Variants in VAC14 observed in about 807,000 individuals in gnomAD.
VAC14 encodes VAC14 component of PIKFYVE complex, also known as protein VAC14 homolog.
Under a neutral mutation model 85.3 loss-of-function variants are expected in VAC14, and 47 were observed. The observed-to-expected ratio is 0.55, with a 90% CI of 0.44 to 0.70. The LOEUF is 0.70. Among genes scored for constraint, VAC14 ranks in the 30% least tolerant of loss-of-function variants. The pLI is 0.00. For synonymous variants in VAC14, 447 were observed against 430.5 expected, an observed-to-expected ratio of 1.04 and a Z score of -0.47; for missense variants, 861 against 1,004.3, an observed-to-expected ratio of 0.86 and a Z score of 1.93.
chr16:70,691,430 G>A, intron 18 of VAC14: 2 of 985,486 alleles, frequency 2.0e-6, no homozygotes, highest in African/African-American at 3.5e-5. Context: ...CAAGGCAAAG[G>A]CTGGGCCAGC....
rs1406161254 is a variant in VAC14 at position 70,687,965 on chromosome 16, C to T, written c.2312G>A (p.Gly771Glu). 1 of 1,590,192 alleles carries T rather than the reference C, an allele frequency of 6.3e-7. No individual in the cohort carries two copies. The highest frequency in any genetic ancestry group is 1.1e-5 in the South Asian group (1 of 88,354). ...CCTCCGGTCCAGGTGGTCCCCACGC[C>T]CGCTCCGCTGGTGCCGCACTTCCAG... is the stretch of plus-strand genomic sequence containing the variant. ...KHLEVRHQRS[G>E]RGDHLDRRVV... The change falls in exon 19 of 19, where the codon GGG (glycine) becomes GAG (glutamate). Residue 771 changes from glycine to glutamate, a missense_variant. By Grantham distance (98) the Gly-to-Glu change is moderately conservative. Transcript: ENST00000261776.
chr16:70,777,811 G>A (rs1005446614), intron 9 of VAC14, among the ~76,000 whole-genome samples: 2 of 152,342 alleles, frequency 1.3e-5, no homozygotes, highest in Admixed American at 1.3e-4. Context: ...AGAAGGCCAG[G>A]CATGAGGTCC....
intron 17 of VAC14, among the ~76,000 whole-genome samples, chr16:70,694,293 C>G (rs889936532): frequency 6.6e-6 from 1 of 152,218 alleles, no homozygotes; most frequent in African/African-American, 2.4e-5. Flanking sequence ...AGACCAGCAG[C>G]AGGAGCAGGG....
chr16:70,701,903 C>A (rs537737362), intron 14 of VAC14, among the ~76,000 whole-genome samples: 26 of 152,224 alleles, frequency 1.7e-4, no homozygotes, highest in Non-Finnish European at 3.7e-4. Context: ...TCTGCCCTGG[C>A]CAGATGGCTT....
In VAC14 at chr16:70,780,914, G is replaced by A; in HGVS notation, c.972C>T (p.Cys324=). The A allele has an allele frequency of 6.2e-7, 1 of 1,614,154 alleles. No individual in the cohort carries two copies. Among genetic ancestry groups the A allele is most frequent in the Non-Finnish European group, 8.5e-7 (1 of 1,180,028 alleles). The part of the protein sequence containing the change: ...KKSIKEVANV[C]NQSLMKLVTP... ...TGACCAGCTTCATCAGGCTCTGGTT[G>A]CACACGTTGGCCACTTCTTTGATGC... Residue 324 remains cysteine, a synonymous_variant, in exon 9 of 19, where the codon TGC becomes TGT. Coordinates refer to ENST00000261776, the MANE Select transcript of VAC14 (RefSeq NM_018052.5).
intron 14 of VAC14, among the ~76,000 whole-genome samples, chr16:70,704,680 T>C (rs2053889216): frequency 6.6e-6 from 1 of 152,108 alleles, no homozygotes; most frequent in South Asian, 2.1e-4. Context: ...AGACTCATCG[T>C]GGGAGCCTGG....
At chr16:70,699,992 T>C (rs1406592591) in intron 14 of VAC14, 1 of 151,762 alleles carries the variant, frequency 6.6e-6, no homozygotes, top group Non-Finnish European at 1.5e-5. Flanking sequence ...GGCCCCGAGG[T>C]CTTGGGTGCT....
rs376169923 is a variant in VAC14, at chr16:70,731,477, C to T, written c.1661+18G>A. The T allele has an allele frequency of 3.2e-5, 52 of 1,607,052 alleles. No homozygotes were observed. The East Asian group carries it at 4.2e-4, about 13-fold the overall frequency. ...GGGCCGTGGGAGGAAGAGGAGAAAG[C>T]GCGCCGCCAAGGCTGACCTGATGAT... On this transcript the variant is annotated intron_variant, in intron 14 of 18. Coordinates refer to ENST00000261776, the MANE Select transcript of VAC14 (RefSeq NM_018052.5).
chr16:70,752,524 G>T (rs950782504), intron 12 of VAC14, among the ~76,000 whole-genome samples: 1 of 152,236 alleles, frequency 6.6e-6, no homozygotes, highest in African/African-American at 2.4e-5. Context: ...GGCAGGGAAC[G>T]GGGTGGTGCC....
intron 12 of VAC14, among the ~76,000 whole-genome samples, chr16:70,761,565 T>C (rs1339597367): frequency 6.6e-6 from 1 of 152,158 alleles, no homozygotes; most frequent in African/African-American, 2.4e-5. Context: ...CACCACGCAA[T>C]GGGCATGGCT....
intron 12 of VAC14, among the ~76,000 whole-genome samples, chr16:70,746,295 G>A (rs1239807566): frequency 6.6e-6 from 1 of 152,108 alleles, no homozygotes; most frequent in Non-Finnish European, 1.5e-5. Flanking sequence ...GCTGGCACTC[G>A]CTCACACAGA....
Position 70,783,049 on chromosome 16 carries a change from G to T in VAC14, c.795C>A (p.Ile265=). The change falls in exon 7 of 19, where the codon ATC becomes ATA. Residue 265 remains isoleucine, a synonymous_variant. Transcript: ENST00000261776. ...AATACTCACCTGTTGTCTGGCAGTG[G>T]ATCACCAGGATGTTGGCCATCTCAG... is the stretch of plus-strand genomic sequence containing the variant. The part of the protein sequence containing the change: ...KFAEMANILV[I]HCQTTDDLIQ... 1 of 1,614,172 alleles carries T rather than the reference G, an allele frequency of 6.2e-7. No individual in the cohort carries two copies. The highest frequency in any genetic ancestry group is 8.5e-7 in the Non-Finnish European group (1 of 1,179,988).
In VAC14 at chr16:70,800,963, A is replaced by C; in HGVS notation, c.-63T>G. On this transcript the variant is annotated 5_prime_UTR_variant, in exon 1 of 19. Coordinates refer to ENST00000261776, the MANE Select transcript of VAC14 (RefSeq NM_018052.5). ...CGGCTGCCGGGGCCGCGCCGGGGCC[A>C]GGGGAGTCTGCGGCTCCGCTCTGCC... The C allele has an allele frequency of 1.5e-6, 2 of 1,292,456 alleles. No individual in the cohort carries two copies. The highest frequency in any genetic ancestry group is 2.1e-6 in the Non-Finnish European group (2 of 954,950). The allele number at this position is 1,292,456 out of a possible 1,614,324, so 80.1% of individuals were successfully genotyped here. A position where few individuals can be genotyped will look rare whatever the true frequency, so the allele number is the denominator to read the frequency against.
chr16:70,729,596 T>C (rs908662037), intron 14 of VAC14, among the ~76,000 whole-genome samples: 11 of 151,892 alleles, frequency 7.2e-5, no homozygotes, highest in African/African-American at 2.4e-4. Flanking sequence ...CCTCCTGCCA[T>C]CTCCCTGCTT....
At chr16:70,722,105 G>A (rs1269743347) in intron 14 of VAC14, among the ~76,000 whole-genome samples, 4 of 152,188 alleles carry the variant, frequency 2.6e-5, no homozygotes, top group African/African-American at 9.7e-5. Context: ...CGAGGACAAC[G>A]GCAAATGACC....
At chr16:70,791,397 C>T (rs1008090516) in intron 1 of VAC14, among the ~76,000 whole-genome samples, 1 of 152,036 alleles carries the variant, frequency 6.6e-6, no homozygotes, top group South Asian at 2.1e-4. Context: ...ACTTTTTTTT[C>T]CCTTTGAGAC....
chr16:70,771,900 CCCTATCTATCCATCAAG>C, intron 10 of VAC14, 192 bp downstream of exon 10: 2 of 562,126 alleles, frequency 3.6e-6, no homozygotes, highest in South Asian at 4.4e-5. Flanking sequence ...TTCTAATCCG[CCCTATCTATCCATCAAG>C]CCTGGGTGGG....
intron 14 of VAC14, among the ~76,000 whole-genome samples, chr16:70,710,500 C>T (rs1254293471): frequency 1.3e-5 from 2 of 152,246 alleles, no homozygotes; most frequent in African/African-American, 4.8e-5. Context: ...AGTAAGGTGG[C>T]CAGAGCTACT....
rs537867515 is a variant in VAC14 at position 70,784,292 on chromosome 16, C to T, written c.487-72G>A. The T allele has an allele frequency of 4.6e-6, 6 of 1,310,504 alleles. No individual in the cohort carries two copies. In the African/African-American group the frequency reaches 8.7e-5, roughly 19 times the overall value. 81.2% of individuals were successfully genotyped at this position (1,310,504 alleles called of 1,614,324 possible). On this transcript the variant is annotated intron_variant, in intron 4 of 18. Transcript: ENST00000261776. ...TGCCTGACCTCGCTGAATCACTTGC[C>T]CAGGGCTGGCTCCAGCGCTCAGGCG... is the stretch of plus-strand genomic sequence containing the variant.
Sources: gnomAD v4.1 joint callset for allele counts (sites outside exome capture counted in the v4.1 genomes callset) on GRCh38, gnomAD v4.1.1 for gene constraint, MANE v1.5 for transcripts, NCBI Gene and HGNC (gene_info 2026-07-23, HGNC 2026-07-21) for gene names.